The following ANK2 variants were observed in gnomAD, a reference collection of about 807,000 sequenced individuals.
ANK2 encodes ankyrin 2, also known as ankyrin-2.
Under a neutral mutation model 360.5 loss-of-function variants are expected in ANK2, and 83 were observed. The ratio of observed to expected loss-of-function variants is 0.23; its 90% CI spans 0.19 to 0.28. ANK2 has a LOEUF of 0.28. Among genes scored for constraint, ANK2 ranks in the 10% least tolerant of loss-of-function variants. The pLI is 1.00. For missense variants in ANK2, 4,201 were observed against 4,795.7 expected (o/e 0.88, Z 3.66); for synonymous variants, 1,740 against 1,759.5 (o/e 0.99, Z 0.28).
chr4:113,369,489 G>A, intron 42 of ANK2, 25 bp from the exon 43 acceptor site: 2 of 1,612,274 alleles, frequency 1.2e-6, no homozygotes, highest in Non-Finnish European at 1.7e-6. Context: ...TGTCCCTGAA[G>A]TCTCATTTGG....
chr4:113,259,895 C>T (rs961720520), intron 13 of ANK2, among the ~76,000 whole-genome samples: 1 of 149,772 alleles, frequency 6.7e-6, no homozygotes, highest in Admixed American at 6.7e-5. Flanking sequence ...ACAACAACAG[C>T]AACCAACAAA....
chr4:112,993,228 G>A (rs919079725), intron 2 of ANK2, among the ~76,000 whole-genome samples: 17 of 152,138 alleles, frequency 1.1e-4, no homozygotes, highest in African/African-American at 3.4e-4. Flanking sequence ...AGGCTACGGT[G>A]AGCCATGTTT....
intron 1 of ANK2, among the ~76,000 whole-genome samples, chr4:113,078,233 T>C (rs1310714809): frequency 6.6e-6 from 1 of 152,220 alleles, no homozygotes; most frequent in East Asian, 1.9e-4. Context: ...CTTTGTAATG[T>C]GATCTCAAAA....
the ANK2 span, among the ~76,000 whole-genome samples, chr4:112,721,090 C>T: frequency 6.6e-6 from 1 of 152,128 alleles, no homozygotes; most frequent in African/African-American, 2.4e-5. Context: ...TTGCCAGCTA[C>T]TCTCAGGGTT....
chr4:113,001,825 T>C (rs2050800431), intron 2 of ANK2, among the ~76,000 whole-genome samples: 1 of 152,162 alleles, frequency 6.6e-6, no homozygotes, highest in Non-Finnish European at 1.5e-5. Context: ...AAAATGAGCA[T>C]TTTGATTATG....
chr4:113,009,958 G>A (rs1008768062), intron 2 of ANK2, among the ~76,000 whole-genome samples: 3 of 125,568 alleles, frequency 2.4e-5, no homozygotes, highest in African/African-American at 4.3e-5. Flanking sequence ...TCACACACAC[G>A]TGCTTGTGGT....
At chr4:113,013,831 G>A (rs1353275733) in intron 2 of ANK2, among the ~76,000 whole-genome samples, 1 of 151,950 alleles carries the variant, frequency 6.6e-6, no homozygotes, top group Non-Finnish European at 1.5e-5. Context: ...TATCTGCTTT[G>A]TCCTATTCCA....
At chr4:112,958,033 G>T (rs1186913002) in intron 2 of ANK2, among the ~76,000 whole-genome samples, 2 of 151,818 alleles carry the variant, frequency 1.3e-5, no homozygotes, top group African/African-American at 2.4e-5. Context: ...TTCCTAGATG[G>T]GTTGGTGGCC....
At chr4:113,185,576 A>C (rs1047752039) in intron 2 of ANK2, among the ~76,000 whole-genome samples, 1 of 151,968 alleles carries the variant, frequency 6.6e-6, no homozygotes, top group Non-Finnish European at 1.5e-5. Flanking sequence ...TTTCTTGTAA[A>C]TTTGTTTAAG....
chr4:113,341,821 A>G lies in ANK2; in HGVS notation c.4027A>G (p.Arg1343Gly), dbSNP rs1360054037. 1 of 1,614,144 alleles carries G rather than the reference A, an allele frequency of 6.2e-7. No homozygotes were observed. Among genetic ancestry groups the G allele is most frequent in the Admixed American group, 1.7e-5 (1 of 60,020 alleles). ...FAKSHDPIEA[R>G]LRCFCMTDDK... The stretch of plus-strand genomic sequence containing the variant: ...CAAATCACATGACCCCATTGAAGCC[A>G]GGTTGAGGTGTTTCTGCATGACTGA... The change falls in exon 33 of 46, where the codon AGG becomes GGG. Residue 1343 changes from arginine (R) to glycine (G), a missense_variant. By Grantham distance (125) the Arg-to-Gly change is moderately radical (BLOSUM62 -2). This residue lies in a region of ANK2 where 1,268 missense variants were observed against 1,650.8 expected (regional missense o/e 0.77). Coordinates refer to ENST00000357077, the MANE Select transcript of ANK2 (RefSeq NM_001148.6).
chr4:113,132,030 AT>A (rs2096070713), intron 1 of ANK2, among the ~76,000 whole-genome samples: 1 of 152,226 alleles, frequency 6.6e-6, no homozygotes, highest in Admixed American at 6.5e-5. Context: ...GAACAGAGTC[AT>A]AAAGTCAACT....
At chr4:113,273,166 A>C (rs957134360) in intron 14 of ANK2, among the ~76,000 whole-genome samples, 5 of 152,146 alleles carry the variant, frequency 3.3e-5, no homozygotes, top group Non-Finnish European at 5.9e-5. Flanking sequence ...TGTCTTTAGA[A>C]TCCAATGCCC....
intron 1 of ANK2, among the ~76,000 whole-genome samples, chr4:113,057,490 A>T (rs370933575): frequency 1.6e-4 from 24 of 152,274 alleles, no homozygotes; most frequent in African/African-American, 5.3e-4. Flanking sequence ...AGCCATAACC[A>T]TTGTGAGTGG....
chr4:112,773,861 C>G, the ANK2 span, among the ~76,000 whole-genome samples: 1 of 152,078 alleles, frequency 6.6e-6, no homozygotes, highest in Admixed American at 6.6e-5. Flanking sequence ...AGTGCAGTGG[C>G]AAGATCTCGG....
the ANK2 span, among the ~76,000 whole-genome samples, chr4:112,799,692 T>G: frequency 2.0e-5 from 3 of 151,924 alleles, no homozygotes; most frequent in Admixed American, 6.6e-5. Flanking sequence ...AACTTTTGTA[T>G]TTTTAGTAGA....
At chr4:113,019,901 A>T (rs975202065) in intron 2 of ANK2, among the ~76,000 whole-genome samples, 17 of 151,836 alleles carry the variant, frequency 1.1e-4, no homozygotes, top group African/African-American at 3.9e-4. Context: ...ATTACCTATT[A>T]TCTAACAAAC....
chr4:113,288,287 A>G, intron 19 of ANK2, 101 bp from the exon 20 acceptor site: 1 of 990,756 alleles, frequency 1.0e-6, no homozygotes, highest in East Asian at 2.6e-5. Flanking sequence ...GAATCCTATA[A>G]TAACTGATAC....
intron 37 of ANK2, 23 bp downstream of exon 37, chr4:113,350,272 G>A (rs2095319789): frequency 6.3e-7 from 1 of 1,595,346 alleles, no homozygotes; most frequent in Admixed American, 1.7e-5. Flanking sequence ...AGAAAATTGA[G>A]TTTGTTTGAA....
intron 26 of ANK2, among the ~76,000 whole-genome samples, chr4:113,328,875 C>G (rs1472720516): frequency 6.6e-6 from 1 of 152,148 alleles, no homozygotes; most frequent in Non-Finnish European, 1.5e-5. Flanking sequence ...CTTCATTTAT[C>G]TAAAAATAAC....
Sources: gnomAD v4.1 joint callset for allele counts (sites outside exome capture counted in the v4.1 genomes callset) on GRCh38, gnomAD v4.1.1 for gene constraint, gnomAD v4.1.1 regional missense constraint, MANE v1.5 for transcripts, NCBI Gene and HGNC (gene_info 2026-07-23, HGNC 2026-07-21) for gene names.